The following RAP1GAP2 variants were observed in gnomAD, a reference collection of about 807,000 sequenced individuals.
RAP1GAP2 encodes RAP1 GTPase activating protein 2.
A neutral mutation model predicts 95.0 loss-of-function variants in RAP1GAP2; 27 were observed. That is an observed-to-expected ratio of 0.28 (90% CI 0.21 to 0.39). The LOEUF (loss-of-function observed/expected upper bound fraction) is 0.39. Ranked by LOEUF, RAP1GAP2 falls within the 10% of genes least tolerant of loss-of-function variation. The pLI, the probability that RAP1GAP2 is intolerant of heterozygous loss-of-function variation, is 1.00. For missense variants in RAP1GAP2, 771 were observed against 970.0 expected (o/e 0.79, Z 2.72); for synonymous variants, 373 against 380.9 (o/e 0.98, Z 0.24).
chr17:2,772,170 T>C (rs1380427252), upstream of RAP1GAP2, among the ~76,000 whole-genome samples: 3 of 152,184 alleles, frequency 2.0e-5, no homozygotes, highest in African/African-American at 7.2e-5. Context: ...TTTATATTTT[T>C]AGTAGAGACG....
At chr17:2,851,061 G>GAA (rs11337766) in intron 2 of RAP1GAP2, among the ~76,000 whole-genome samples, 9 of 79,684 alleles carry the variant, frequency 1.1e-4, no homozygotes, top group Non-Finnish European at 2.2e-4. Context: ...AACGTCTCAA[G>GAA]AAAAAAAAAA....
intron 14 of RAP1GAP2, among the ~76,000 whole-genome samples, chr17:2,999,763 A>G (rs1356241504): frequency 1.3e-5 from 2 of 151,536 alleles, no homozygotes; most frequent in Non-Finnish European, 2.9e-5. Context: ...CCTGGGCAAC[A>G]TAGCGAGACC....
chr17:2,876,720 C>T (rs981527891), intron 2 of RAP1GAP2, among the ~76,000 whole-genome samples: 2 of 152,014 alleles, frequency 1.3e-5, no homozygotes, highest in Non-Finnish European at 2.9e-5. Flanking sequence ...TGCTGGTCAG[C>T]TGGGGCTGAA....
intron 2 of RAP1GAP2, among the ~76,000 whole-genome samples, chr17:2,834,616 G>A (rs895189514): frequency 1.3e-5 from 2 of 152,120 alleles, no homozygotes; most frequent in African/African-American, 4.8e-5. Flanking sequence ...GGGCAACGTG[G>A]CAAAACCCCA....
rs762757811 is a variant in RAP1GAP2 at position 3,004,059 on chromosome 17, C to T, written c.1201-1310C>T. On this transcript the variant is annotated intron_variant, in intron 14 of 24. Coordinates refer to ENST00000254695, the MANE Select transcript of RAP1GAP2 (RefSeq NM_015085.5). The surrounding 1 kb of genome is among the most constrained non-coding windows in gnomAD (Gnocchi z 4.1). ...GCTGGGGCTGCCCTCTGGCCTCTGT[C>T]CCAGGTGCCCACGGTCTGCAGTCTC... 7.2e-5 allele frequency among the ~76,000 whole-genome samples: 11 copies of T among 152,184 alleles called. No homozygotes were observed. Among genetic ancestry groups the T allele is most frequent in the Non-Finnish European group, 1.3e-4 (9 of 68,038 alleles).
chr17:2,977,681 G>C (rs1169162586), intron 8 of RAP1GAP2, among the ~76,000 whole-genome samples: 6 of 149,662 alleles, frequency 4.0e-5, no homozygotes, highest in Admixed American at 3.4e-4. Flanking sequence ...GGAGGCAGAG[G>C]TTGCAGTGAG....
At chr17:2,782,360 G>A (rs1383587133) in intron 1 of RAP1GAP2, among the ~76,000 whole-genome samples, 2 of 152,208 alleles carry the variant, frequency 1.3e-5, no homozygotes, top group African/African-American at 4.8e-5. Context: ...GCTGCAGGGG[G>A]TGGGCAGAAG....
At chr17:2,912,356 C>T (rs965211945) in intron 3 of RAP1GAP2, among the ~76,000 whole-genome samples, 1 of 152,168 alleles carries the variant, frequency 6.6e-6, no homozygotes, top group African/African-American at 2.4e-5. Flanking sequence ...CTGATTTCGT[C>T]TCTTCTTTTG....
chr17:2,837,253 GAAA>G (rs35688344), intron 2 of RAP1GAP2, among the ~76,000 whole-genome samples: 50 of 112,744 alleles, frequency 4.4e-4, no homozygotes, highest in East Asian at 1.6e-3. Context: ...TCTGTCTCTG[GAAA>G]AAAAAAAAAA....
Position 3,004,814 on chromosome 17 carries a change from G to A in RAP1GAP2, c.1201-555G>A, listed in dbSNP as rs2046283237. Reference sequence around the variant, plus strand: ...AGGCCAGAGCCCATGAACCCAGTCTGTATTTTTAAACACCTGAAGCAATTT... The same window carrying A: ...AGGCCAGAGCCCATGAACCCAGTCTATATTTTTAAACACCTGAAGCAATTT... On this transcript the variant is annotated intron_variant, in intron 14 of 24. Transcript: ENST00000254695. The surrounding 1 kb of genome is among the most constrained non-coding windows in gnomAD (Gnocchi z 4.1). Among the ~76,000 whole-genome samples the A allele has an allele frequency of 6.6e-6, 1 of 152,242 alleles. No homozygotes were observed. The highest frequency in any genetic ancestry group is 1.5e-5 in the Non-Finnish European group (1 of 68,044).
At chr17:2,776,822 CCGG>C (rs1220707398), upstream of RAP1GAP2, among the ~76,000 whole-genome samples, 233 of 122,590 alleles carry the variant, frequency 1.9e-3, 1 homozygote, top group African/African-American at 6.8e-3. Context: ...CCCCGCCGCC[CCGG>C]AGGAGGAGGA....
chr17:2,949,921 A>C (rs2043851248), intron 3 of RAP1GAP2, among the ~76,000 whole-genome samples: 2 of 152,218 alleles, frequency 1.3e-5, no homozygotes, highest in Admixed American at 1.3e-4. Flanking sequence ...GCTGCTGGGC[A>C]CTGTCCATGC....
At chr17:2,853,855 G>T (rs2072003487) in intron 2 of RAP1GAP2, 1 of 922,862 alleles carries the variant, frequency 1.1e-6, no homozygotes, top group African/African-American at 1.8e-5. Flanking sequence ...TGACCCCCGG[G>T]GCGCACCTAG....
rs765225499 is a variant in RAP1GAP2 at position 3,003,602 on chromosome 17, C to T, written c.1201-1767C>T. Among the ~76,000 whole-genome samples, 7 of 152,192 alleles carry T rather than the reference C, an allele frequency of 4.6e-5. No homozygotes were observed. The highest frequency in any genetic ancestry group is 1.0e-4 in the Non-Finnish European group (7 of 68,030). ...TGAGGTTCCCAGTGCATCCTCATGACCCACACCAAGCTCCTTCCTCCTTCC... is the reference window on the plus strand; with the variant it reads ...TGAGGTTCCCAGTGCATCCTCATGATCCACACCAAGCTCCTTCCTCCTTCC... On this transcript the variant is annotated intron_variant, in intron 14 of 24. Coordinates refer to ENST00000254695, the MANE Select transcript of RAP1GAP2 (RefSeq NM_015085.5). The surrounding 1 kb of genome is among the most constrained non-coding windows in gnomAD (Gnocchi z 4.1).
chr17:2,818,637 A>G (rs1480400468), intron 2 of RAP1GAP2, among the ~76,000 whole-genome samples: 1 of 151,998 alleles, frequency 6.6e-6, no homozygotes, highest in Non-Finnish European at 1.5e-5. Context: ...CTCAGCCCAC[A>G]TTTTTAATGC....
rs117812314 is a variant in RAP1GAP2, at chr17:2,842,031, G to A, written c.80+41481G>A. 4.7e-4 allele frequency among the ~76,000 whole-genome samples: 72 copies of A among 152,286 alleles called. 2 individuals are homozygous for A. The East Asian group carries it at 0.012, about 25-fold the overall frequency. ...CTCTACAGCTCAGGGTCTGAAAGGC[G>A]GTGCCAGGTACTGGGTCCTTCCGCC... On this transcript the variant is annotated intron_variant, in intron 2 of 24. Coordinates refer to ENST00000254695, the MANE Select transcript of RAP1GAP2 (RefSeq NM_015085.5).
chr17:2,956,835 A>G (rs2044124537), intron 3 of RAP1GAP2, among the ~76,000 whole-genome samples: 1 of 152,204 alleles, frequency 6.6e-6, no homozygotes, highest in South Asian at 2.1e-4. Context: ...GATTTTAAAA[A>G]TAACCCATCT....
At chr17:2,802,432 G>A (rs542152198) in intron 2 of RAP1GAP2, among the ~76,000 whole-genome samples, 1 of 152,298 alleles carries the variant, frequency 6.6e-6, no homozygotes, top group Non-Finnish European at 1.5e-5. Context: ...CCAGGAAGCT[G>A]GATGTGGTGG....
At chr17:2,925,410 C>G (rs562104999) in intron 3 of RAP1GAP2, among the ~76,000 whole-genome samples, 1 of 152,258 alleles carries the variant, frequency 6.6e-6, no homozygotes, top group South Asian at 2.1e-4. Context: ...AAGCATGTGC[C>G]TTCTTCACAA....
Sources: gnomAD v4.1 joint callset for allele counts (sites outside exome capture counted in the v4.1 genomes callset) on GRCh38, gnomAD v4.1.1 for gene constraint, Gnocchi (gnomAD v3.1) non-coding constraint, MANE v1.5 for transcripts, NCBI Gene and HGNC (gene_info 2026-07-23, HGNC 2026-07-21) for gene names.